CEP128: variants seen among roughly 807,000 people sequenced by gnomAD.
CEP128 encodes centrosomal protein 128kDa.
In CEP128, 132 loss-of-function variants were observed where a neutral mutation model predicts 156.7. The observed-to-expected ratio is 0.84, with a 90% CI of 0.73 to 0.97. The LOEUF (loss-of-function observed/expected upper bound fraction) is 0.97. Ranked by LOEUF, CEP128 falls within the 50% of genes least tolerant of loss-of-function variation. The pLI, the probability that CEP128 is intolerant of heterozygous loss-of-function variation, is 0.00. For missense variants in CEP128, 1,252 were observed against 1,281.9 expected, an observed-to-expected ratio of 0.98 and a Z score of 0.36; for synonymous variants, 469 against 448.9, an observed-to-expected ratio of 1.04 and a Z score of -0.57.
intron 19 of CEP128, among the ~76,000 whole-genome samples, chr14:80,613,449 C>T (rs1017089997): frequency 6.6e-6 from 1 of 150,844 alleles, no homozygotes; most frequent in African/African-American, 2.4e-5. Context: ...ACTACAGGCG[C>T]CCGCCACCAT....
chr14:80,927,242 G>T (rs1170753523), intron 2 of CEP128, among the ~76,000 whole-genome samples: 1 of 152,200 alleles, frequency 6.6e-6, no homozygotes, highest in African/African-American at 2.4e-5. Flanking sequence ...CCTTCCACTT[G>T]TGGGAAGTTT....
At chr14:80,938,307 C>T (rs1281331690) in intron 2 of CEP128, among the ~76,000 whole-genome samples, 3 of 140,262 alleles carry the variant, frequency 2.1e-5, no homozygotes, top group Non-Finnish European at 3.0e-5. Flanking sequence ...AGTGCAGTGG[C>T]GCGATCTCTG....
intron 9 of CEP128, among the ~76,000 whole-genome samples, chr14:80,851,355 AGG>A (rs1328035419): frequency 1.3e-5 from 2 of 152,180 alleles, no homozygotes; most frequent in Non-Finnish European, 2.9e-5. Flanking sequence ...ATGGAACTGA[AGG>A]GGCGATTTTA....
chr14:80,641,189 C>T (rs564303352), intron 19 of CEP128, among the ~76,000 whole-genome samples: 4 of 152,202 alleles, frequency 2.6e-5, no homozygotes, highest in Non-Finnish European at 5.9e-5. Context: ...TAACCATCTT[C>T]ATATCTCCAG....
intron 4 of CEP128, among the ~76,000 whole-genome samples, chr14:80,909,656 A>G (rs548299297): frequency 1.3e-5 from 2 of 152,326 alleles, no homozygotes; most frequent in African/African-American, 4.8e-5. Flanking sequence ...GCATTATGGC[A>G]AAAACAATTT....
At chr14:80,637,644 A>T (rs1282753362) in intron 19 of CEP128, among the ~76,000 whole-genome samples, 1 of 152,158 alleles carries the variant, frequency 6.6e-6, no homozygotes, top group Non-Finnish European at 1.5e-5. Context: ...TCTTTATAAA[A>T]ACTGAATGGT....
intron 9 of CEP128, among the ~76,000 whole-genome samples, chr14:80,847,841 G>A (rs12589927): frequency 0.098 from 14,857 of 152,176 alleles, 1,239 homozygotes; most frequent in East Asian, 0.43. Flanking sequence ...AGTATTTTAG[G>A]TATCTTTAAA....
chr14:80,729,057 G>GA (rs879297029), intron 19 of CEP128, among the ~76,000 whole-genome samples: 2 of 102,146 alleles, frequency 2.0e-5, no homozygotes, highest in Non-Finnish European at 3.4e-5. Context: ...GGGCTGGTGG[G>GA]GGTGTGTGTG....
intron 9 of CEP128, among the ~76,000 whole-genome samples, chr14:80,859,355 C>A (rs1412178441): frequency 3.7e-5 from 5 of 136,166 alleles, no homozygotes; most frequent in Non-Finnish European, 7.7e-5. Context: ...AATGAGAACA[C>A]ATGGACACAG....
chr14:80,912,457 T>C (rs750921194), intron 4 of CEP128, among the ~76,000 whole-genome samples: 11 of 152,190 alleles, frequency 7.2e-5, no homozygotes, highest in Non-Finnish European at 1.5e-4. Context: ...AAAGTAGGAC[T>C]ATACTCTACT....
At chr14:80,637,705 C>T (rs1034190247) in intron 19 of CEP128, among the ~76,000 whole-genome samples, 2 of 151,766 alleles carry the variant, frequency 1.3e-5, no homozygotes, top group African/African-American at 4.8e-5. Flanking sequence ...GAATGTTATC[C>T]TATCAGTAAC....
intron 19 of CEP128, among the ~76,000 whole-genome samples, chr14:80,658,384 A>C (rs1343117288): frequency 6.6e-6 from 1 of 152,144 alleles, no homozygotes; most frequent in Non-Finnish European, 1.5e-5. Flanking sequence ...CTACATTCAA[A>C]AGGCAGCTGT....
chr14:80,904,661 T>C, intron 6 of CEP128, 152 bp downstream of exon 6: 1 of 562,982 alleles, frequency 1.8e-6, no homozygotes, highest in East Asian at 2.7e-5. Context: ...GTAAAAGTCG[T>C]TTACTTGGTT....
rs75188858 is a variant in CEP128, at chr14:80,498,387, C to T, written c.3182-805G>A. Among the ~76,000 whole-genome samples, 1,513 of 152,296 alleles carry T rather than the reference C, an allele frequency of 9.9e-3. 19 individuals carry two copies. The highest frequency in any genetic ancestry group is 0.035 in the African/African-American group (1,449 of 41,560). ...CCTTTCGGAAAAGTCAATCAAATTACGTCATTCTCCTGCATGACTCCCTCA... is the reference window on the plus strand; with the variant it reads ...CCTTTCGGAAAAGTCAATCAAATTATGTCATTCTCCTGCATGACTCCCTCA... On this transcript the variant is annotated intron_variant, in intron 24 of 24. Transcript: ENST00000555265.
chr14:80,704,374 TTTAG>T (rs1271265117), intron 19 of CEP128, among the ~76,000 whole-genome samples: 1 of 152,000 alleles, frequency 6.6e-6, no homozygotes, highest in African/African-American at 2.4e-5. Context: ...AAATGAAGGA[TTTAG>T]TTATTTTTTT....
chr14:80,573,635 C>T (rs1178187287), intron 20 of CEP128, among the ~76,000 whole-genome samples: 2 of 152,068 alleles, frequency 1.3e-5, no homozygotes, highest in African/African-American at 4.8e-5. Flanking sequence ...TCAGTGGAAT[C>T]CTTTTTACTG....
At chr14:80,800,502 C>A (rs1454489321) in intron 13 of CEP128, among the ~76,000 whole-genome samples, 1 of 152,192 alleles carries the variant, frequency 6.6e-6, no homozygotes, top group African/African-American at 2.4e-5. Flanking sequence ...GGACTAAACA[C>A]AGGTCCCTAA....
chr14:80,782,826 T>G (rs1000590185), intron 15 of CEP128, among the ~76,000 whole-genome samples: 2 of 152,212 alleles, frequency 1.3e-5, no homozygotes, highest in African/African-American at 2.4e-5. Context: ...TGATTATAAC[T>G]TTCTTAAAAT....
chr14:80,741,859 A>T (rs1172451130), intron 19 of CEP128, among the ~76,000 whole-genome samples: 5 of 144,828 alleles, frequency 3.5e-5, no homozygotes, highest in East Asian at 2.0e-4. Context: ...GTACCATTAT[A>T]AAAAAAAAAA....
Sources: gnomAD v4.1 joint callset for allele counts (sites outside exome capture counted in the v4.1 genomes callset) on GRCh38, gnomAD v4.1.1 for gene constraint, MANE v1.5 for transcripts, NCBI Gene and HGNC (gene_info 2026-07-23, HGNC 2026-07-21) for gene names.